WIF1: variants seen among roughly 807,000 people sequenced by gnomAD.
WIF1 encodes the protein Wnt inhibitory factor 1.
Under a neutral mutation model 53.5 loss-of-function variants are expected in WIF1, and 35 were observed. That is an observed-to-expected ratio of 0.65 (90% confidence interval 0.50 to 0.87). The LOEUF (loss-of-function observed/expected upper bound fraction) is 0.87. WIF1 is among the 40% of genes least tolerant of loss of function. The pLI, the probability that WIF1 is intolerant of heterozygous loss-of-function variation, is 0.00. For synonymous variants in WIF1, 171 were observed against 170.4 expected, an observed-to-expected ratio of 1.00 and a Z score of -0.03; for missense variants, 467 against 476.8, an observed-to-expected ratio of 0.98 and a Z score of 0.19.
intron 3 of WIF1, among the ~76,000 whole-genome samples, chr12:65,069,356 G>A (rs943352078): frequency 6.6e-6 from 1 of 152,130 alleles, no homozygotes. Flanking sequence ...TCCAAAAAGG[G>A]CTAGAAATCA....
intron 2 of WIF1, among the ~76,000 whole-genome samples, chr12:65,079,164 CAA>C (rs1226121849): frequency 0.015 from 1,166 of 80,048 alleles, 18 homozygotes; most frequent in African/African-American, 0.061. Flanking sequence ...GACTCCATCT[CAA>C]AAAAAAAAAA....
intron 2 of WIF1, among the ~76,000 whole-genome samples, chr12:65,118,085 G>A (rs1293380948): frequency 6.6e-6 from 1 of 152,192 alleles, no homozygotes; most frequent in Non-Finnish European, 1.5e-5. Context: ...TTATTTTAAT[G>A]TTGTCCACAT....
chr12:65,071,749 G>T (rs1434483898), intron 3 of WIF1, among the ~76,000 whole-genome samples: 2 of 152,110 alleles, frequency 1.3e-5, no homozygotes, highest in East Asian at 3.9e-4. Context: ...AGGCATGTAA[G>T]CACAGTTATG....
Position 65,057,552 on chromosome 12 carries a change from C to T in WIF1, c.827-1426G>A, listed in dbSNP as rs115238484. On this transcript the variant is annotated intron_variant, in intron 7 of 9. Coordinates refer to ENST00000286574, the MANE Select transcript of WIF1 (RefSeq NM_007191.5). The stretch of plus-strand genomic sequence containing the variant: ...AGCTGAAACCACATCCTATGCCTGG[C>T]ATAAGATGTTTTGAAGACAGCAAGT... Among the ~76,000 whole-genome samples, 1,154 of 152,184 alleles carry T rather than the reference C, an allele frequency of 7.6e-3. 12 individuals carry two copies. The highest frequency in any genetic ancestry group is 0.027 in the African/African-American group (1,101 of 41,544).
At chr12:65,065,405 C>T (rs1882673185) in intron 6 of WIF1, among the ~76,000 whole-genome samples, 1 of 152,044 alleles carries the variant, frequency 6.6e-6, no homozygotes, top group Non-Finnish European at 1.5e-5. Context: ...GTTCCATAAA[C>T]CTCACTTTGC....
At chr12:65,106,160 G>A (rs879445977) in intron 2 of WIF1, among the ~76,000 whole-genome samples, 11 of 152,074 alleles carry the variant, frequency 7.2e-5, no homozygotes, top group Non-Finnish European at 1.2e-4. Context: ...AAAAGTATGA[G>A]TAAATGAAAC....
At chr12:65,098,741 C>A (rs1275471481) in intron 2 of WIF1, among the ~76,000 whole-genome samples, 1 of 152,072 alleles carries the variant, frequency 6.6e-6, no homozygotes, top group Admixed American at 6.6e-5. Context: ...CTGTAGGCAA[C>A]TTTTTCTTTC....
chr12:65,109,447 G>A (rs1265548052), intron 2 of WIF1, among the ~76,000 whole-genome samples: 1 of 152,152 alleles, frequency 6.6e-6, no homozygotes, highest in African/African-American at 2.4e-5. Context: ...GTATGGGCTG[G>A]ATTTCAGCTC....
intron 9 of WIF1, among the ~76,000 whole-genome samples, chr12:65,052,352 G>A (rs1213555453): frequency 1.3e-5 from 2 of 152,196 alleles, no homozygotes; most frequent in Non-Finnish European, 2.9e-5. Flanking sequence ...CTAGTAGCTT[G>A]TGGAGTGGTC....
chr12:65,079,056 T>C (rs1281387615), intron 2 of WIF1, among the ~76,000 whole-genome samples: 2 of 149,940 alleles, frequency 1.3e-5, no homozygotes, highest in African/African-American at 4.9e-5. Context: ...TCCCAGCTAC[T>C]TGGGAGGCTG....
intron 2 of WIF1, among the ~76,000 whole-genome samples, chr12:65,080,582 C>T (rs1882930994): frequency 6.6e-6 from 1 of 152,148 alleles, no homozygotes; most frequent in African/African-American, 2.4e-5. Flanking sequence ...TAATATGTAT[C>T]ATTTAACATA....
Position 65,095,143 on chromosome 12 carries a change from T to C in WIF1, c.289-17289A>G, listed in dbSNP as rs11175642. 3.0e-4 allele frequency among the ~76,000 whole-genome samples: 45 copies of C among 151,334 alleles called. No individual in the cohort carries two copies. The East Asian group carries it at 8.2e-3, about 28-fold the overall frequency. ...TTTGTAGAGGCAGGGTCTTACTATG[T>C]TGCCCAAGCTGGTCTTGAACTCCTG... On this transcript the variant is annotated intron_variant, in intron 2 of 9. Transcript: ENST00000286574.
At chr12:65,055,986 T>C in intron 8 of WIF1, 45 bp downstream of exon 8, 1 of 1,569,606 alleles carries the variant, frequency 6.4e-7, no homozygotes, top group Non-Finnish European at 8.7e-7. Flanking sequence ...CCTGCTAGTT[T>C]AACGACCTAG....
chr12:65,075,488 C>T (rs1882847724), intron 3 of WIF1, among the ~76,000 whole-genome samples: 1 of 151,986 alleles, frequency 6.6e-6, no homozygotes, highest in Non-Finnish European at 1.5e-5. Context: ...ACCACTATCA[C>T]AATAGTAAAA....
intron 2 of WIF1, among the ~76,000 whole-genome samples, chr12:65,113,488 C>T (rs191934289): frequency 8.5e-5 from 13 of 152,124 alleles, no homozygotes; most frequent in Admixed American, 4.6e-4. Context: ...TGCTTTTATA[C>T]CACCGTGAAA....
intron 2 of WIF1, among the ~76,000 whole-genome samples, chr12:65,105,185 T>G (rs1403368520): frequency 6.6e-6 from 1 of 152,098 alleles, no homozygotes; most frequent in East Asian, 1.9e-4. Context: ...TGGCACCCAC[T>G]GGCATGCATG....
chr12:65,118,524 C>T (rs369031487), intron 2 of WIF1, among the ~76,000 whole-genome samples: 20 of 152,238 alleles, frequency 1.3e-4, no homozygotes, highest in African/African-American at 4.1e-4. Flanking sequence ...TATTCAAAGC[C>T]GAATGAGTAG....
chr12:65,105,814 A>G (rs932261372), intron 2 of WIF1, among the ~76,000 whole-genome samples: 3 of 152,154 alleles, frequency 2.0e-5, no homozygotes, highest in African/African-American at 7.2e-5. Context: ...CTGGCAATTA[A>G]ACTTCAAGAT....
intron 7 of WIF1, among the ~76,000 whole-genome samples, chr12:65,061,725 T>C (rs925687330): frequency 1.3e-5 from 2 of 152,250 alleles, no homozygotes; most frequent in African/African-American, 4.8e-5. Context: ...AGGCATAGTG[T>C]GTACCAATCT....
Sources: allele counts gnomAD v4.1 joint callset (sites outside exome capture counted in the v4.1 genomes callset), GRCh38; gene constraint gnomAD v4.1.1; transcripts MANE v1.5; gene names NCBI Gene and HGNC (gene_info 2026-07-23, HGNC 2026-07-21).